Variants in AGBL4 observed in about 807,000 individuals in gnomAD.
AGBL4 encodes the protein AGBL carboxypeptidase 4.
A neutral mutation model predicts 66.4 loss-of-function variants in AGBL4; 58 were observed. The observed-to-expected ratio is 0.87, with a 90% CI of 0.71 to 1.09. The LOEUF is 1.09. Among genes scored for constraint, AGBL4 ranks in the 50% least tolerant of loss-of-function variants. AGBL4 has a pLI of 0.00. For missense variants in AGBL4, 579 were observed against 631.0 expected (o/e 0.92, Z 0.88); for synonymous variants, 234 against 222.9 (o/e 1.05, Z -0.44).
At chr1:48,657,985 C>A (rs1002567525) in intron 7 of AGBL4, among the ~76,000 whole-genome samples, 8 of 152,184 alleles carry the variant, frequency 5.3e-5, no homozygotes, top group Non-Finnish European at 8.8e-5. Flanking sequence ...TAGTGCCTAG[C>A]TCAGTGCTTG....
chr1:49,854,519 C>T (rs1646385642), intron 1 of AGBL4, among the ~76,000 whole-genome samples: 2 of 152,138 alleles, frequency 1.3e-5, no homozygotes, highest in Admixed American at 1.3e-4. Flanking sequence ...AACTCACACT[C>T]TGTTCTACTC....
At chr1:48,978,389 GC>G (rs1395147666) in intron 5 of AGBL4, among the ~76,000 whole-genome samples, 1 of 152,160 alleles carries the variant, frequency 6.6e-6, no homozygotes, top group Non-Finnish European at 1.5e-5. Flanking sequence ...TTGTTTTTCT[GC>G]TTTGTGTGTT....
At chr1:49,119,198 T>C (rs1569661648) in intron 4 of AGBL4, among the ~76,000 whole-genome samples, 1 of 152,350 alleles carries the variant, frequency 6.6e-6, no homozygotes, top group East Asian at 1.9e-4. Flanking sequence ...TCTATCTCTT[T>C]CAATTCTGCT....
intron 9 of AGBL4, among the ~76,000 whole-genome samples, chr1:48,601,676 A>G (rs12131047): frequency 0.18 from 27,069 of 152,042 alleles, 2,634 homozygotes; most frequent in East Asian, 0.33. Context: ...TCAACACTCC[A>G]TGGAAGTAGA....
At chr1:49,756,307 A>G (rs1651881469) in intron 2 of AGBL4, among the ~76,000 whole-genome samples, 1 of 152,108 alleles carries the variant, frequency 6.6e-6, no homozygotes, top group African/African-American at 2.4e-5. Flanking sequence ...GAGAAAAAAA[A>G]GTCAAGAATA....
intron 11 of AGBL4, chr1:48,584,194 A>G (rs1644782398): frequency 6.6e-6 from 1 of 152,074 alleles, no homozygotes; most frequent in African/African-American, 2.4e-5. Flanking sequence ...ACAGCCTCCT[A>G]ATGCATGTCC....
chr1:48,857,636 G>C (rs1421392362), intron 6 of AGBL4, among the ~76,000 whole-genome samples: 2 of 152,112 alleles, frequency 1.3e-5, no homozygotes, highest in Admixed American at 6.5e-5. Flanking sequence ...CAGGAGAATG[G>C]TGTGAACCCG....
chr1:48,866,418 C>T (rs1378405993), intron 6 of AGBL4, among the ~76,000 whole-genome samples: 1 of 152,170 alleles, frequency 6.6e-6, no homozygotes, highest in Non-Finnish European at 1.5e-5. Context: ...AGTGTTAATG[C>T]CTAGCATAGC....
chr1:49,039,278 T>C (rs1261432984), intron 5 of AGBL4, among the ~76,000 whole-genome samples: 1 of 152,050 alleles, frequency 6.6e-6, no homozygotes, highest in Non-Finnish European at 1.5e-5. Context: ...CATTATAAAT[T>C]TGTCCACACC....
At chr1:48,593,336 A>G (rs1266814713) in intron 9 of AGBL4, among the ~76,000 whole-genome samples, 3 of 152,246 alleles carry the variant, frequency 2.0e-5, no homozygotes, top group South Asian at 2.1e-4. Context: ...ACAGCCATAT[A>G]TAAACTAACT....
At chr1:48,733,211 A>G (rs1033335140) in intron 6 of AGBL4, among the ~76,000 whole-genome samples, 1 of 152,140 alleles carries the variant, frequency 6.6e-6, no homozygotes, top group African/African-American at 2.4e-5. Context: ...GAAATGAGTG[A>G]TCAAATATAT....
At chr1:48,543,932 C>T (rs1334650687) in intron 11 of AGBL4, among the ~76,000 whole-genome samples, 1 of 152,212 alleles carries the variant, frequency 6.6e-6, no homozygotes, top group African/African-American at 2.4e-5. Flanking sequence ...GGTAATGGCA[C>T]TGTCAGGACT....
intron 4 of AGBL4, among the ~76,000 whole-genome samples, chr1:49,212,924 CAAGT>C (rs1266467787): frequency 1.3e-5 from 2 of 152,208 alleles, no homozygotes; most frequent in Non-Finnish European, 2.9e-5. Context: ...ATTTTTAAAA[CAAGT>C]AATAGCAAAA....
At chr1:48,976,040 G>A (rs1659310842) in intron 5 of AGBL4, among the ~76,000 whole-genome samples, 1 of 152,100 alleles carries the variant, frequency 6.6e-6, no homozygotes, top group Admixed American at 6.6e-5. Context: ...ATAGCCTAAT[G>A]GTTTTGCTAG....
intron 3 of AGBL4, among the ~76,000 whole-genome samples, chr1:49,658,440 T>G (rs908053224): frequency 3.3e-5 from 5 of 152,152 alleles, no homozygotes; most frequent in African/African-American, 4.8e-5. Flanking sequence ...CATTGTGGAA[T>G]TCAGTGTGGC....
At chr1:49,997,444 A>T (rs986563762) in intron 1 of AGBL4, among the ~76,000 whole-genome samples, 1 of 152,190 alleles carries the variant, frequency 6.6e-6, no homozygotes, top group Non-Finnish European at 1.5e-5. Context: ...AAGCAACAGC[A>T]GTTAAAAAAG....
intron 6 of AGBL4, among the ~76,000 whole-genome samples, chr1:48,737,179 G>A (rs1649199190): frequency 6.6e-6 from 1 of 152,204 alleles, no homozygotes; most frequent in Non-Finnish European, 1.5e-5. Flanking sequence ...AGCTGCTTGG[G>A]AGGCTGAGGC....
chr1:49,091,341 T>C (rs1475702030), intron 4 of AGBL4, among the ~76,000 whole-genome samples: 1 of 151,964 alleles, frequency 6.6e-6, no homozygotes, highest in Non-Finnish European at 1.5e-5. Context: ...CCAACAAAGA[T>C]CTGACATCCA....
chr1:49,210,220 T>A (rs999029860), intron 4 of AGBL4, among the ~76,000 whole-genome samples: 2 of 152,084 alleles, frequency 1.3e-5, no homozygotes, highest in Non-Finnish European at 1.5e-5. Context: ...TCTCCTTTCA[T>A]CTATTTTTTA....
Sources: allele counts gnomAD v4.1 joint callset (sites outside exome capture counted in the v4.1 genomes callset), GRCh38; gene constraint gnomAD v4.1.1; transcripts MANE v1.5; gene names NCBI Gene and HGNC (gene_info 2026-07-23, HGNC 2026-07-21).